The following GALNT17 variants were observed in gnomAD, a reference collection of about 807,000 sequenced individuals.
The protein encoded by GALNT17 is polypeptide N-acetylgalactosaminyltransferase 17, also known as UDP-GalNAc:polypeptide N-acetylgalactosaminyltransferase-like 3.
In GALNT17, 29 loss-of-function variants were observed where a neutral mutation model predicts 63.7. The ratio of observed to expected loss-of-function variants is 0.46; its 90% confidence interval spans 0.34 to 0.62. The LOEUF is 0.62. Among genes scored for constraint, GALNT17 ranks in the 20% least tolerant of loss-of-function variants. The pLI is 0.01. For synonymous variants in GALNT17, 305 were observed against 318.3 expected, an observed-to-expected ratio of 0.96 and a Z score of 0.45; for missense variants, 603 against 799.6, an observed-to-expected ratio of 0.75 and a Z score of 2.97.
intron 1 of GALNT17, among the ~76,000 whole-genome samples, chr7:71,162,135 T>TC (rs1562875749): frequency 4.1e-5 from 5 of 122,366 alleles, no homozygotes; most frequent in African/African-American, 1.6e-4. Flanking sequence ...CTTCCTTCCT[T>TC]CCTTCCTTCC....
At chr7:71,194,548 A>G (rs773194965) in intron 1 of GALNT17, among the ~76,000 whole-genome samples, 2 of 152,146 alleles carry the variant, frequency 1.3e-5, no homozygotes, top group Non-Finnish European at 2.9e-5. Flanking sequence ...CACCCATGCA[A>G]CGAGACAGAG....
chr7:71,565,678 C>T (rs1335740991), intron 5 of GALNT17, among the ~76,000 whole-genome samples: 1 of 152,088 alleles, frequency 6.6e-6, no homozygotes, highest in Admixed American at 6.6e-5. Context: ...ACAGGCATAA[C>T]TTCTCTGCTC....
intron 1 of GALNT17, among the ~76,000 whole-genome samples, chr7:71,193,578 T>G (rs1162870027): frequency 6.6e-6 from 1 of 150,788 alleles, no homozygotes; most frequent in Non-Finnish European, 1.5e-5. Context: ...GGGTCCTTCC[T>G]CCTTCAGAGC....
At chr7:71,487,966 G>A (rs1787940746) in intron 5 of GALNT17, among the ~76,000 whole-genome samples, 1 of 152,068 alleles carries the variant, frequency 6.6e-6, no homozygotes, top group Admixed American at 6.6e-5. Flanking sequence ...CCAGGAGTTT[G>A]AGACCAGCCT....
rs555343088 is a variant in GALNT17, at chr7:71,219,085, G to C, written c.238+86045G>C. ...CTCACATTTATTGACCAGGTACTACGTGACAGTCACCTCAGATGTCCCATC... is the reference window on the plus strand; with the variant it reads ...CTCACATTTATTGACCAGGTACTACCTGACAGTCACCTCAGATGTCCCATC... On this transcript the variant is annotated intron_variant, in intron 1 of 10. Transcript: ENST00000333538. Among the ~76,000 whole-genome samples the C allele has an allele frequency of 1.6e-4, 24 of 152,210 alleles. No individual in the cohort carries two copies. The South Asian group carries it at 4.8e-3, about 30-fold the overall frequency.
At chr7:71,296,629 CTA>C (rs10565164) in intron 1 of GALNT17, among the ~76,000 whole-genome samples, 80,193 of 148,256 alleles carry the variant, frequency 0.54, 22,048 homozygotes, top group East Asian at 0.83. Flanking sequence ...AAAAAAACAA[CTA>C]TATATATATA....
intron 5 of GALNT17, among the ~76,000 whole-genome samples, chr7:71,556,454 G>T (rs1413307690): frequency 2.0e-5 from 3 of 152,124 alleles, no homozygotes; most frequent in Non-Finnish European, 4.4e-5. Context: ...TCTACAGTGG[G>T]GATGAAAGAG....
chr7:71,424,843 A>G (rs1249086613), intron 5 of GALNT17, among the ~76,000 whole-genome samples: 1 of 152,200 alleles, frequency 6.6e-6, no homozygotes, highest in Non-Finnish European at 1.5e-5. Flanking sequence ...TGGGCCAAAG[A>G]AAACATTTCA....
chr7:71,410,141 G>T (rs1359442836), intron 3 of GALNT17, among the ~76,000 whole-genome samples: 1 of 152,140 alleles, frequency 6.6e-6, no homozygotes, highest in African/African-American at 2.4e-5. Context: ...GTCATTCTAG[G>T]ACAATAGGCA....
chr7:71,681,674 A>C (rs1344225622), intron 9 of GALNT17, among the ~76,000 whole-genome samples: 1 of 152,188 alleles, frequency 6.6e-6, no homozygotes, highest in Non-Finnish European at 1.5e-5. Flanking sequence ...TAACTCCCAG[A>C]CTTCTTTGTT....
intron 1 of GALNT17, among the ~76,000 whole-genome samples, chr7:71,194,940 A>G (rs574441429): frequency 4.6e-5 from 7 of 152,234 alleles, no homozygotes; most frequent in African/African-American, 7.2e-5. Flanking sequence ...GCTTCTCATC[A>G]TTGCACTCAT....
intron 5 of GALNT17, among the ~76,000 whole-genome samples, chr7:71,548,529 C>G (rs960157073): frequency 2.6e-5 from 4 of 152,158 alleles, no homozygotes; most frequent in Non-Finnish European, 5.9e-5. Flanking sequence ...CCATGCTGTT[C>G]TCTTGATAGT....
intron 6 of GALNT17, among the ~76,000 whole-genome samples, chr7:71,642,242 GAAACACCTA>G (rs1437430276): frequency 1.3e-5 from 2 of 152,102 alleles, no homozygotes; most frequent in Non-Finnish European, 2.9e-5. Context: ...CTAGCCTATG[GAAACACCTA>G]AAACACACTG....
At chr7:71,321,142 G>A (rs1413584236) in intron 1 of GALNT17, among the ~76,000 whole-genome samples, 1 of 152,142 alleles carries the variant, frequency 6.6e-6, no homozygotes, top group African/African-American at 2.4e-5. Flanking sequence ...AAATTTCTTA[G>A]GTCTTGGCAG....
intron 1 of GALNT17, among the ~76,000 whole-genome samples, chr7:71,308,380 T>G (rs967335487): frequency 9.9e-5 from 15 of 152,168 alleles, no homozygotes; most frequent in Non-Finnish European, 1.6e-4. Context: ...GCATTGCCTT[T>G]TATAGAACTG....
At chr7:71,222,817 T>A (rs1789611669) in intron 1 of GALNT17, among the ~76,000 whole-genome samples, 1 of 152,074 alleles carries the variant, frequency 6.6e-6, no homozygotes. Context: ...GCACCTGTAA[T>A]CCCAACACTT....
intron 4 of GALNT17, among the ~76,000 whole-genome samples, chr7:71,419,197 G>C (rs1786614085): frequency 6.6e-6 from 1 of 152,190 alleles, no homozygotes; most frequent in Admixed American, 6.5e-5. Context: ...ATCTGGACTT[G>C]CATGGGGTTC....
intron 1 of GALNT17, among the ~76,000 whole-genome samples, chr7:71,258,983 G>C (rs532146550): frequency 1.3e-5 from 2 of 152,282 alleles, no homozygotes; most frequent in Non-Finnish European, 2.9e-5. Context: ...CTGATGCTCA[G>C]GGTATGTGTA....
intron 1 of GALNT17, among the ~76,000 whole-genome samples, chr7:71,150,260 A>G (rs113763611): frequency 9.1e-4 from 139 of 152,240 alleles, no homozygotes; most frequent in Non-Finnish European, 1.4e-3. Flanking sequence ...AGACAGGTCA[A>G]TATCAAGCGG....
Sources: gnomAD v4.1 joint callset for allele counts (sites outside exome capture counted in the v4.1 genomes callset) on GRCh38, gnomAD v4.1.1 for gene constraint, MANE v1.5 for transcripts, NCBI Gene and HGNC (gene_info 2026-07-23, HGNC 2026-07-21) for gene names.